Variants in ZC2HC1C observed in about 807,000 individuals in gnomAD.
The protein encoded by ZC2HC1C is zinc finger C2HC domain-containing protein 1C.
Under a neutral mutation model 39.2 loss-of-function variants are expected in ZC2HC1C, and 25 were observed. That is an observed-to-expected ratio of 0.64 (90% confidence interval 0.47 to 0.89). ZC2HC1C has a LOEUF of 0.89. ZC2HC1C is among the 40% of genes least tolerant of loss of function. The probability of loss-of-function intolerance (pLI) is 0.00; values close to 1 mark genes in which losing one functional copy is unlikely to be tolerated. For missense variants in ZC2HC1C, 519 were observed against 548.6 expected, an observed-to-expected ratio of 0.95 and a Z score of 0.54; for synonymous variants, 209 against 214.4, an observed-to-expected ratio of 0.97 and a Z score of 0.22.
chr14:75,073,532 C>A, intron 2 of ZC2HC1C: 1 of 1,278,592 alleles, frequency 7.8e-7, no homozygotes, highest in African/African-American at 1.5e-5. Context: ...TAAGATGCAC[C>A]TGCACCACCC....
Position 75,070,557 on chromosome 14 carries a change from G to A in ZC2HC1C, c.-17G>A, listed in dbSNP as rs761122403. The A allele has an allele frequency of 1.1e-5, 17 of 1,586,372 alleles. No homozygotes were observed. Among genetic ancestry groups the A allele is most frequent in the South Asian group, 2.3e-5 (2 of 87,036 alleles). ...TATCTGGTTTAAATCTCCCGTAGGC[G>A]TCAGTCCAGGCCCTGAATGGCTGGT... is the stretch of plus-strand genomic sequence containing the variant. On this transcript the variant is annotated splice_region_variant and 5_prime_UTR_variant, in exon 2 of 3. Transcript: ENST00000524913.
chr14:75,078,542 T>C lies in ZC2HC1C; in HGVS notation c.*978T>C, dbSNP rs1893779928. On this transcript the variant is annotated 3_prime_UTR_variant, in exon 3 of 3. Coordinates refer to ENST00000524913, the MANE Select transcript of ZC2HC1C (RefSeq NM_024643.4). ...CCTCCATTTTAGCTGTTAGTAGCACTCTACTTTCAAATCGGTTTGGCTAAA... is the reference window on the plus strand; with the variant it reads ...CCTCCATTTTAGCTGTTAGTAGCACCCTACTTTCAAATCGGTTTGGCTAAA... 1.3e-5 allele frequency: 2 copies of C among 152,198 alleles called. No individual in the cohort carries two copies. 9.4% of individuals were successfully genotyped at this position (152,198 alleles called of 1,614,324 possible).
At position 75,071,330 on chromosome 14, in the gene ZC2HC1C, G is replaced by C. The variant is rs1434407887; in HGVS notation, c.757G>C (p.Glu253Gln). The C allele has an allele frequency of 5.6e-6, 9 of 1,613,990 alleles. No homozygotes were observed. Among genetic ancestry groups the C allele is most frequent in the Non-Finnish European group, 7.6e-6 (9 of 1,180,022 alleles). ...ACTCAGAAGGATCCAGACGCAAAAG[G>C]AACAGGCCAAGGAAAATGAAAACGG... ...EELRRIQTQK[E>Q]QAKENENGEL... Residue 253 changes from glutamate (E) to glutamine (Q), a missense_variant, in exon 2 of 3, where the codon GAA becomes CAA. By Grantham distance (29) the Glu-to-Gln change is conservative. Coordinates refer to ENST00000524913, the MANE Select transcript of ZC2HC1C (RefSeq NM_024643.4).
Position 75,071,076 on chromosome 14 carries a change from C to A in ZC2HC1C, c.503C>A (p.Pro168His), listed in dbSNP as rs1049673960. 19 of 1,614,068 alleles carry A rather than the reference C, an allele frequency of 1.2e-5. No homozygotes were observed. The Admixed American group carries it at 2.5e-4, about 21-fold the overall frequency. The change falls in exon 2 of 3, where the codon CCT becomes CAT. Residue 168 changes from proline (P) to histidine (H), a missense_variant. Physicochemically the swap from Pro to His is moderately conservative, Grantham distance 77. Transcript: ENST00000524913. ...DGDHNVYPRP[P>H]EPREFSSRNF... ...GACCATAATGTCTACCCAAGGCCCCCTGAGCCGAGAGAGTTTTCATCTAGG... is the reference window on the plus strand; with the variant it reads ...GACCATAATGTCTACCCAAGGCCCCATGAGCCGAGAGAGTTTTCATCTAGG...
At chr14:75,073,530 A>T in intron 2 of ZC2HC1C, 4 of 1,274,806 alleles carry the variant, frequency 3.1e-6, no homozygotes, top group Non-Finnish European at 4.1e-6. Context: ...ACTAAGATGC[A>T]CCTGCACCAC....
intron 2 of ZC2HC1C, among the ~76,000 whole-genome samples, chr14:75,074,457 G>A (rs1166418201): frequency 6.6e-6 from 1 of 152,092 alleles, no homozygotes; most frequent in Non-Finnish European, 1.5e-5. Flanking sequence ...CCCTAATTCA[G>A]CCCCCGGAGG....
At chr14:75,074,702 G>C (rs951425169) in intron 2 of ZC2HC1C, among the ~76,000 whole-genome samples, 8 of 152,174 alleles carry the variant, frequency 5.3e-5, no homozygotes, top group African/African-American at 1.4e-4. Context: ...CTCCTGAGTA[G>C]CTGGGCTTAC....
chr14:75,074,865 C>A, intron 2 of ZC2HC1C, among the ~76,000 whole-genome samples: 1 of 152,224 alleles, frequency 6.6e-6, no homozygotes, highest in Non-Finnish European at 1.5e-5. Flanking sequence ...AGCCACGGTG[C>A]CTGTTCTACC....
intron 2 of ZC2HC1C, among the ~76,000 whole-genome samples, chr14:75,075,926 G>A (rs1490232962): frequency 6.6e-6 from 1 of 151,942 alleles, no homozygotes; most frequent in Non-Finnish European, 1.5e-5. Context: ...GCGTGGTGGC[G>A]CACGCCTGTA....
intron 2 of ZC2HC1C, 90 bp from the exon 3 acceptor site, chr14:75,077,442 C>T: frequency 6.5e-7 from 1 of 1,531,334 alleles, no homozygotes; most frequent in Non-Finnish European, 9.0e-7. Context: ...CAGATTAGTA[C>T]CCTTTTCATT....
At chr14:75,072,589 T>C (rs1230110842) in intron 2 of ZC2HC1C, among the ~76,000 whole-genome samples, 1 of 152,136 alleles carries the variant, frequency 6.6e-6, no homozygotes, top group African/African-American at 2.4e-5. Flanking sequence ...AAAAACCAGG[T>C]TGGAAAAAGT....
At chr14:75,071,971 C>T (rs1295556759) in intron 2 of ZC2HC1C, 60 bp downstream of exon 2, 4 of 1,508,694 alleles carry the variant, frequency 2.7e-6, no homozygotes, top group Non-Finnish European at 3.5e-6. Context: ...TCTGTTTTGT[C>T]ATCATCAGTT....
rs1893745886 is a variant in ZC2HC1C, at chr14:75,077,686, A to C, written c.*122A>C. ...CCTGCAGAAAACCCAGACTGCATTC[A>C]GTGTCCTCAGTGTAGCCACCACTTT... On this transcript the variant is annotated 3_prime_UTR_variant, in exon 3 of 3. Coordinates refer to ENST00000524913, the MANE Select transcript of ZC2HC1C (RefSeq NM_024643.4). The C allele has an allele frequency of 8.4e-7, 1 of 1,184,562 alleles. No homozygotes were observed. The allele number at this position is 1,184,562 out of a possible 1,614,324, so 73.4% of individuals were successfully genotyped here.
intron 2 of ZC2HC1C, among the ~76,000 whole-genome samples, chr14:75,075,930 G>A (rs183783661): frequency 7.2e-5 from 11 of 152,216 alleles, no homozygotes; most frequent in South Asian, 4.1e-4. Flanking sequence ...GGTGGCGCAC[G>A]CCTGTAGTCT....
chr14:75,070,139 T>C (rs896647024), intron 1 of ZC2HC1C, among the ~76,000 whole-genome samples: 4 of 152,036 alleles, frequency 2.6e-5, no homozygotes, highest in Non-Finnish European at 2.9e-5. Flanking sequence ...TGTAAAATGG[T>C]GAGGCTGGAC....
In ZC2HC1C at chr14:75,071,648, G is replaced by A. The variant is rs897656221; in HGVS notation, c.1075G>A (p.Gly359Ser). The part of the protein sequence containing the change: ...KFSPPSETPV[G>S]ALQGSARNSS... ...CTCCCCGCCTTCAGAAACACCAGTCGGTGCTTTGCAGGGATCCGCCAGAAA... is the reference window on the plus strand; with the variant it reads ...CTCCCCGCCTTCAGAAACACCAGTCAGTGCTTTGCAGGGATCCGCCAGAAA... Residue 359 changes from glycine to serine, a missense_variant, in exon 2 of 3, where the codon GGT becomes AGT. Coordinates refer to ENST00000524913, the MANE Select transcript of ZC2HC1C (RefSeq NM_024643.4). The A allele has an allele frequency of 6.2e-7, 1 of 1,614,054 alleles. No individual in the cohort carries two copies. The highest frequency in any genetic ancestry group is 1.3e-5 in the African/African-American group (1 of 74,916).
chr14:75,073,960 C>T (rs1594808345), intron 2 of ZC2HC1C, among the ~76,000 whole-genome samples: 1 of 151,912 alleles, frequency 6.6e-6, no homozygotes, highest in African/African-American at 2.4e-5. Context: ...GACGCGATCT[C>T]GGCTCACTGC....
At position 75,071,101 on chromosome 14, in the gene ZC2HC1C, G is replaced by A. The variant is rs767648112; in HGVS notation, c.528G>A (p.Arg176=). The A allele has an allele frequency of 2.5e-6, 4 of 1,614,212 alleles. No individual in the cohort carries two copies. Among genetic ancestry groups the A allele is most frequent in the Non-Finnish European group, 3.4e-6 (4 of 1,180,044 alleles). Residue 176 remains arginine, a synonymous_variant, in exon 2 of 3, where the codon AGG becomes AGA. Transcript: ENST00000524913. ...CTGAGCCGAGAGAGTTTTCATCTAGGAACTTTGGTGTGAGGAACCAGGGCA... is the reference window on the plus strand; with the variant it reads ...CTGAGCCGAGAGAGTTTTCATCTAGAAACTTTGGTGTGAGGAACCAGGGCA... ...RPPEPREFSS[R]NFGVRNQGNF...
rs1466486002 is a variant in ZC2HC1C, at chr14:75,077,568, C to T, written c.*4C>T. 1.9e-6 allele frequency: 3 copies of T among 1,614,060 alleles called. No homozygotes were observed. The African/African-American group carries it at 4.0e-5, about 22-fold the overall frequency. ...TCAGAAGAGCAACTGGAGATAGAAG[C>T]ATGAATCTTTTATCCATACGTTCCG... On this transcript the variant is annotated 3_prime_UTR_variant, in exon 3 of 3. Transcript: ENST00000524913.
Sources: gnomAD v4.1 joint callset for allele counts (sites outside exome capture counted in the v4.1 genomes callset) on GRCh38, gnomAD v4.1.1 for gene constraint, MANE v1.5 for transcripts, NCBI Gene and HGNC (gene_info 2026-07-23, HGNC 2026-07-21) for gene names.